The following NEGR1 variants were observed in gnomAD, a reference collection of about 807,000 sequenced individuals.
NEGR1 encodes IgLON family member 4.
A neutral mutation model predicts 40.9 loss-of-function variants in NEGR1; 10 were observed. The ratio of observed to expected loss-of-function variants is 0.24; its 90% CI spans 0.15 to 0.42. The LOEUF is 0.42. NEGR1 is among the 10% of genes least tolerant of loss of function. NEGR1 has a pLI of 1.00. For missense variants in NEGR1, 352 were observed against 438.9 expected (o/e 0.80, Z 1.77); for synonymous variants, 185 against 166.8 (o/e 1.11, Z -0.84).
Position 72,136,594 on chromosome 1 carries a change from C to T in NEGR1, c.176+145725G>A, listed in dbSNP as rs1650472537. 2.5e-5 allele frequency among the ~76,000 whole-genome samples: 3 copies of T among 118,360 alleles called. 1 individual carries two copies. Among genetic ancestry groups the T allele is most frequent in the Non-Finnish European group, 5.5e-5 (3 of 54,544 alleles). 77.6% of individuals were successfully genotyped at this position (118,360 alleles called of 152,430 possible). A position where few individuals can be genotyped will look rare whatever the true frequency, so the allele number is the denominator to read the frequency against. On this transcript the variant is annotated intron_variant, in intron 1 of 6. Coordinates refer to ENST00000357731, the MANE Select transcript of NEGR1 (RefSeq NM_173808.3). ...AAGCTATTACTCCACAGGTCTTAGCCAGCAAAAAAAATGAACTGAAACAAT... is the reference window on the plus strand; with the variant it reads ...AAGCTATTACTCCACAGGTCTTAGCTAGCAAAAAAAATGAACTGAAACAAT...
intron 1 of NEGR1, among the ~76,000 whole-genome samples, chr1:72,046,804 A>C (rs1187973883): frequency 4.0e-5 from 6 of 151,666 alleles, no homozygotes; most frequent in Non-Finnish European, 7.4e-5. Context: ...AAAGTACGTA[A>C]ATTTGTCAGA....
At chr1:71,615,910 G>A (rs543914863) in intron 4 of NEGR1, among the ~76,000 whole-genome samples, 70 of 152,310 alleles carry the variant, frequency 4.6e-4, no homozygotes, top group Non-Finnish European at 8.4e-4. Flanking sequence ...CATAGAAAAG[G>A]CAGAAGCTGA....
intron 1 of NEGR1, among the ~76,000 whole-genome samples, chr1:71,997,002 C>T (rs972777223): frequency 2.0e-5 from 3 of 151,994 alleles, no homozygotes; most frequent in Non-Finnish European, 4.4e-5. Context: ...CTATGCTCTA[C>T]TTCTCCTTTT....
intron 3 of NEGR1, among the ~76,000 whole-genome samples, chr1:71,714,560 T>A (rs989238744): frequency 4.6e-5 from 7 of 152,152 alleles, no homozygotes; most frequent in Non-Finnish European, 8.8e-5. Flanking sequence ...ACAATGGAGG[T>A]ACAGGCATTG....
chr1:71,586,553 A>G (rs1180624791), intron 6 of NEGR1, among the ~76,000 whole-genome samples: 1 of 152,166 alleles, frequency 6.6e-6, no homozygotes, highest in Non-Finnish European at 1.5e-5. Context: ...TGACAAACGT[A>G]ACTAAAGCTC....
chr1:71,698,848 A>C (rs569803201), intron 3 of NEGR1, among the ~76,000 whole-genome samples: 1 of 152,060 alleles, frequency 6.6e-6, no homozygotes, highest in South Asian at 2.1e-4. Context: ...ATAAAGATGT[A>C]ATAACAGAAG....
chr1:71,999,273 T>C (rs1001221753), intron 1 of NEGR1, among the ~76,000 whole-genome samples: 7 of 151,936 alleles, frequency 4.6e-5, no homozygotes, highest in Non-Finnish European at 7.4e-5. Context: ...CAACTTTGAA[T>C]AGGATTTCAT....
chr1:72,229,890 T>A, intron 1 of NEGR1, among the ~76,000 whole-genome samples: 1 of 152,094 alleles, frequency 6.6e-6, no homozygotes, highest in East Asian at 1.9e-4. Context: ...GTGCAATGTA[T>A]AATTTTTCCA....
At chr1:71,602,008 T>G (rs1030834171) in intron 5 of NEGR1, among the ~76,000 whole-genome samples, 4 of 152,198 alleles carry the variant, frequency 2.6e-5, no homozygotes, top group South Asian at 4.1e-4. Context: ...AAAAAGGGAC[T>G]AGATTGTTTT....
intron 1 of NEGR1, among the ~76,000 whole-genome samples, chr1:72,265,352 A>G (rs2100550688): frequency 6.6e-6 from 1 of 151,074 alleles, no homozygotes; most frequent in Middle Eastern, 3.4e-3. Context: ...CAGTTTCAAT[A>G]TTTCTATTAA....
At chr1:71,664,870 T>C (rs1652187456) in intron 4 of NEGR1, among the ~76,000 whole-genome samples, 1 of 152,182 alleles carries the variant, frequency 6.6e-6, no homozygotes, top group Non-Finnish European at 1.5e-5. Context: ...TTGGACTTAC[T>C]TTATCTAGAG....
intron 4 of NEGR1, among the ~76,000 whole-genome samples, chr1:71,621,938 T>C (rs1241606849): frequency 6.6e-6 from 1 of 151,866 alleles, no homozygotes; most frequent in East Asian, 1.9e-4. Flanking sequence ...ACTCATGAAG[T>C]GAATAAAAGT....
At chr1:72,232,184 T>C (rs978542635) in intron 1 of NEGR1, among the ~76,000 whole-genome samples, 1 of 151,860 alleles carries the variant, frequency 6.6e-6, no homozygotes, top group African/African-American at 2.4e-5. Context: ...TGAAACCCCA[T>C]CTCTACCAAA....
chr1:71,948,426 T>C (rs1478746045), intron 1 of NEGR1, among the ~76,000 whole-genome samples: 1 of 151,932 alleles, frequency 6.6e-6, no homozygotes, highest in Non-Finnish European at 1.5e-5. Context: ...TATGATCAAC[T>C]CTTTGTTATT....
At chr1:71,973,402 T>G (rs1570568252) in intron 1 of NEGR1, among the ~76,000 whole-genome samples, 1 of 152,076 alleles carries the variant, frequency 6.6e-6, no homozygotes, top group African/African-American at 2.4e-5. Context: ...GATTTTGGAC[T>G]TTTGTCCTCC....
intron 1 of NEGR1, 78 bp downstream of exon 1, chr1:72,282,241 T>C: frequency 6.6e-7 from 1 of 1,509,780 alleles, no homozygotes; most frequent in Non-Finnish European, 9.1e-7. Context: ...GCTTGTGTTA[T>C]AAAGAAGGCA....
chr1:71,799,948 G>A (rs1412958336), intron 2 of NEGR1, among the ~76,000 whole-genome samples: 7 of 152,076 alleles, frequency 4.6e-5, no homozygotes, highest in East Asian at 1.9e-4. Context: ...TCCTGTCCTC[G>A]TGATCTGCCT....
chr1:72,193,774 AT>A (rs559732328), intron 1 of NEGR1, among the ~76,000 whole-genome samples: 212 of 151,748 alleles, frequency 1.4e-3, no homozygotes, highest in Non-Finnish European at 2.4e-3. Flanking sequence ...TAAAAAGAAT[AT>A]TTTTAAAGTG....
intron 6 of NEGR1, among the ~76,000 whole-genome samples, chr1:71,489,395 C>T (rs556193710): frequency 6.6e-6 from 1 of 151,978 alleles, no homozygotes; most frequent in Non-Finnish European, 1.5e-5. Flanking sequence ...TCACCAGGCT[C>T]TTATTGATGT....
Sources: allele counts gnomAD v4.1 joint callset (sites outside exome capture counted in the v4.1 genomes callset), GRCh38; gene constraint gnomAD v4.1.1; transcripts MANE v1.5; gene names NCBI Gene and HGNC (gene_info 2026-07-23, HGNC 2026-07-21).